Variants in PLIN5 observed in about 807,000 individuals in gnomAD.
PLIN5 encodes perilipin 5.
A neutral mutation model predicts 32.8 loss-of-function variants in PLIN5; 34 were observed. The ratio of observed to expected loss-of-function variants is 1.04; its 90% confidence interval spans 0.79 to 1.38. The LOEUF is 1.38. Ranked by LOEUF, PLIN5 falls within the 40% of genes most tolerant of loss-of-function variation. The pLI, the probability that PLIN5 is intolerant of heterozygous loss-of-function variation, is 0.00. For missense variants in PLIN5, 712 were observed against 660.5 expected (o/e 1.08, Z -0.85); for synonymous variants, 309 against 292.9 (o/e 1.05, Z -0.56).
Position 4,523,906 on chromosome 19 carries a change from G to A in PLIN5, c.1014C>T (p.Asp338=), listed in dbSNP as rs189668026. The A allele has an allele frequency of 9.1e-5, 139 of 1,521,722 alleles. 2 individuals carry two copies. The Middle Eastern group carries it at 1.9e-3, about 21-fold the overall frequency. 94.3% of individuals were successfully genotyped at this position (1,521,722 alleles called of 1,614,324 possible). A position where few individuals can be genotyped will look rare whatever the true frequency, so the allele number is the denominator to read the frequency against. ...TAFADARCFR[D]VPAAALAEGR... ...CCTCGGCCAGCGCGGCCGCTGGCAC[G>A]TCCCTGAAGCAGCGGGCATCAGCGA... The change falls in exon 8 of 8, where the codon GAC becomes GAT. Residue 338 remains aspartate (D), a synonymous_variant. Transcript: ENST00000381848. The surrounding 1 kb of genome is among the most constrained non-coding windows in gnomAD (Gnocchi z 5.0).
In PLIN5 at chr19:4,525,870, TACGGGGACAGC is replaced by T. The variant is rs1225404072; in HGVS notation, c.521-49_521-39del. 379 of 1,401,010 alleles carry T rather than the reference TACGGGGACAGC, an allele frequency of 2.7e-4. 1 individual carries two copies. In the Middle Eastern group the frequency reaches 3.1e-3, roughly 11 times the overall value. The allele number at this position is 1,401,010 out of a possible 1,614,324, so 86.8% of individuals were successfully genotyped here. A position where few individuals can be genotyped will look rare whatever the true frequency, so the allele number is the denominator to read the frequency against. On this transcript the variant is annotated intron_variant, in intron 5 of 7. Transcript: ENST00000381848. The surrounding 1 kb of genome is among the most constrained non-coding windows in gnomAD (Gnocchi z 5.6). ...ATACGGGGACAGCACGGGGACAGGA[TACGGGGACAGC>T]ACGGGGACAGGATACGGGGACAGCA...
At chr19:4,529,452 A>G (rs762342066) in intron 4 of PLIN5, 199 bp from the exon 5 acceptor site, 2 of 594,206 alleles carry the variant, frequency 3.4e-6, no homozygotes, top group East Asian at 5.7e-5. Flanking sequence ...CTAGCAATAC[A>G]TATGTATACA....
chr19:4,529,263 A>C lies in PLIN5; in HGVS notation c.340-10T>G, dbSNP rs1976848001. The C allele has an allele frequency of 6.3e-7, 1 of 1,592,128 alleles. No homozygotes were observed. The highest frequency in any genetic ancestry group is 1.3e-5 in the African/African-American group (1 of 74,392). ...TGGCTGAGGTCACCACCTGGAAGGA[A>C]GGGCCCCCCCACTCCAGGCACCGTG... On this transcript the variant is annotated splice_polypyrimidine_tract_variant and intron_variant, in intron 4 of 7. Transcript: ENST00000381848.
rs180880894 is a variant in PLIN5 at position 4,529,074 on chromosome 19, G to A, written c.519C>T (p.Leu173=). The A allele has an allele frequency of 7.4e-4, 1,190 of 1,612,536 alleles. 14 individuals are homozygous for A. The South Asian group carries it at 0.011, about 16-fold the overall frequency. ...DHFLPMTEEE[L]AALAAEAEGP... is the part of the protein sequence containing the mutation. ...TAGGGTTGAGGGTGTCGTCCTCACC[G>A]AGCTCTTCCTCCGTCATGGGCAGGA... The change falls in exon 5 of 8, where the codon CTC becomes CTT. Residue 173 remains leucine, a splice_region_variant and synonymous_variant. Transcript: ENST00000381848.
Position 4,531,657 on chromosome 19 carries a change from G to A in PLIN5, c.226C>T (p.Gln76Ter). 2 of 1,535,680 alleles carry A rather than the reference G, an allele frequency of 1.3e-6. No homozygotes were observed. The highest frequency in any genetic ancestry group is 1.7e-6 in the Non-Finnish European group (2 of 1,144,008). The change falls in exon 3 of 8, where the codon CAG becomes TAG. Residue 76 changes from glutamine (Q) to a stop codon, truncating the protein, a stop_gained. Transcript: ENST00000381848. LOFTEE classifies it high-confidence loss of function. ...GGCTGCAGGTGCTCGAGCAGCGGCT[G>A]GGCGTGGTCCAGGGCACGGGTGGTC... The part of the protein sequence containing the change: ...GLTTRALDHA[Q>*]PLLEHLQPQL...
chr19:4,529,674 G>GT, intron 4 of PLIN5, 110 bp downstream of exon 4: 1 of 828,950 alleles, frequency 1.2e-6, no homozygotes, highest in Admixed American at 2.1e-5. Flanking sequence ...TAACCTGGCT[G>GT]TTTTTTCTTG....
chr19:4,523,683 G>T lies in PLIN5; in HGVS notation c.1237C>A (p.Pro413Thr), dbSNP rs377605280. 2 of 1,607,558 alleles carry T rather than the reference G, an allele frequency of 1.2e-6. No individual in the cohort carries two copies. ...GCCTCCCAGGCTCTCTGCTGGGCCG[G>T]CCAGTCCAGGTGCGCCCAGCGGGGG... ...PDPRWAHLDW[P>T]AQQRAWEAEH... Residue 413 changes from proline (P) to threonine (T), a missense_variant, in exon 8 of 8, where the codon CCG becomes ACG. Coordinates refer to ENST00000381848, the MANE Select transcript of PLIN5 (RefSeq NM_001013706.3). This position sits in a 1 kb window ranked among gnomAD's most constrained non-coding sequence, Gnocchi z 5.0.
chr19:4,534,367 T>C (rs895019105), intron 1 of PLIN5: 9 of 441,920 alleles, frequency 2.0e-5, no homozygotes, highest in African/African-American at 6.0e-5. Context: ...CTACCATTAA[T>C]TGCGGTGTTA....
intron 4 of PLIN5, 192 bp downstream of exon 4, chr19:4,529,592 C>T (rs536000224): frequency 6.1e-5 from 30 of 494,962 alleles, no homozygotes; most frequent in Middle Eastern, 5.2e-4. Context: ...ATACACTATA[C>T]GTATATACAT....
chr19:4,528,981 C>A, intron 5 of PLIN5, 92 bp downstream of exon 5: 1 of 1,356,116 alleles, frequency 7.4e-7, no homozygotes, highest in South Asian at 1.4e-5. Context: ...TGCTGTGTGA[C>A]CTTGGGTGAG....
Position 4,523,520 on chromosome 19 carries a change from C to T in PLIN5, c.*8G>A, listed in dbSNP as rs752936099. 4.7e-5 allele frequency: 73 copies of T among 1,543,748 alleles called. No individual in the cohort carries two copies. The East Asian group carries it at 1.6e-3, about 34-fold the overall frequency. ...GGCCTTTCCTCCCCGCCTCCACTGG[C>T]CCATGGGTCAGAAGTCCAGCTCGGG... On this transcript the variant is annotated 3_prime_UTR_variant, in exon 8 of 8. Coordinates refer to ENST00000381848, the MANE Select transcript of PLIN5 (RefSeq NM_001013706.3). This position sits in a 1 kb window ranked among gnomAD's most constrained non-coding sequence, Gnocchi z 5.0.
Position 4,534,094 on chromosome 19 carries a change from C to A in PLIN5, c.-20G>T. 3.7e-6 allele frequency: 6 copies of A among 1,607,686 alleles called. No homozygotes were observed. Among genetic ancestry groups the A allele is most frequent in the Non-Finnish European group, 5.1e-6 (6 of 1,177,248 alleles). Reference sequence around the variant, plus strand: ...AGACATCGTGCTGCAAACAGGGTCACCCTGCGGGGCAGGATTGAGTAAGGG... The same window carrying A: ...AGACATCGTGCTGCAAACAGGGTCAACCTGCGGGGCAGGATTGAGTAAGGG... On this transcript the variant is annotated splice_region_variant and 5_prime_UTR_variant, in exon 2 of 8. Transcript: ENST00000381848.
Position 4,522,771 on chromosome 19 carries a change from C to A in PLIN5, c.*757G>T, listed in dbSNP as rs1976746439. ...GATCATGGCTCACTGCAGCCTCCAA[C>A]TCCTGGGCTCAAGCAGTCCTCCCAC... On this transcript the variant is annotated 3_prime_UTR_variant, in exon 8 of 8. Transcript: ENST00000381848. The A allele has an allele frequency of 6.6e-6, 1 of 151,776 alleles. No homozygotes were observed. Among genetic ancestry groups the A allele is most frequent in the South Asian group, 2.0e-4 (1 of 4,968 alleles). 9.4% of individuals were successfully genotyped at this position (151,776 alleles called of 1,614,324 possible).
intron 2 of PLIN5, chr19:4,533,676 G>A: frequency 2.1e-6 from 1 of 483,592 alleles, no homozygotes; most frequent in Non-Finnish European, 3.6e-6. Context: ...CTGATACAGT[G>A]ATTGCTGCTC....
rs200153211 is a variant in PLIN5, at chr19:4,529,842, C to A, written c.281G>T (p.Cys94Phe). Reference protein sequence around the residue: ...PQLATMNSLACRGLDKLEEKL... With the variant: ...PQLATMNSLAFRGLDKLEEKL... ...CTCTTCCAGCTTGTCCAGGCCCCTG[C>A]AGGCGAGGCTGTTCATAGTGGCCAC... Residue 94 changes from cysteine (C) to phenylalanine (F), a missense_variant, in exon 4 of 8, where the codon TGC (cysteine) becomes TTC (phenylalanine). Cys to Phe is a radical substitution (Grantham distance 205). Coordinates refer to ENST00000381848, the MANE Select transcript of PLIN5 (RefSeq NM_001013706.3). The A allele has an allele frequency of 3.7e-6, 6 of 1,607,944 alleles. No homozygotes were observed. The African/African-American group carries it at 4.0e-5, about 11-fold the overall frequency.
At position 4,529,139 on chromosome 19, in the gene PLIN5, C is replaced by T. The variant is rs371730214; in HGVS notation, c.454G>A (p.Asp152Asn). Residue 152 changes from aspartate (D) to asparagine (N), a missense_variant, in exon 5 of 8, where the codon GAT becomes AAT. Physicochemically the swap from Asp to Asn is conservative, Grantham distance 23 (BLOSUM62 1). Coordinates refer to ENST00000381848, the MANE Select transcript of PLIN5 (RefSeq NM_001013706.3). ...TCCTCTGATTTTTCCAGTACAACATCCACAGCATGGCTCACGGAGCGCTTC... is the reference window on the plus strand; with the variant it reads ...TCCTCTGATTTTTCCAGTACAACATTCACAGCATGGCTCACGGAGCGCTTC... ...ELKRSVSHAV[D>N]VVLEKSEELV... is the part of the protein sequence containing the mutation. 2 of 1,613,376 alleles carry T rather than the reference C, an allele frequency of 1.2e-6. No homozygotes were observed. Among genetic ancestry groups the T allele is most frequent in the African/African-American group, 1.3e-5 (1 of 74,908 alleles).
chr19:4,524,289 C>T (rs559318885), intron 7 of PLIN5, among the ~76,000 whole-genome samples: 14 of 152,322 alleles, frequency 9.2e-5, no homozygotes, highest in East Asian at 1.9e-4. Context: ...CGGTGGCTCA[C>T]GCCTGTAATC....
chr19:4,524,198 C>T (rs1426657243), intron 7 of PLIN5, 113 bp from the exon 8 acceptor site: 1 of 1,065,806 alleles, frequency 9.4e-7, no homozygotes, highest in Admixed American at 3.8e-5. Flanking sequence ...TCATAGACCT[C>T]ATAGTCCTGT....
chr19:4,531,251 A>G (rs28509365), intron 3 of PLIN5, among the ~76,000 whole-genome samples: 72,564 of 150,924 alleles, frequency 0.48, 17,938 homozygotes, highest in African/African-American at 0.57. Flanking sequence ...CAACCGCCTC[A>G]GCCTCACGAA....
Sources: allele counts gnomAD v4.1 joint callset (sites outside exome capture counted in the v4.1 genomes callset), GRCh38; gene constraint gnomAD v4.1.1; non-coding constraint Gnocchi (gnomAD v3.1); transcripts MANE v1.5; gene names NCBI Gene and HGNC (gene_info 2026-07-23, HGNC 2026-07-21).